Variants in APLF observed in about 807,000 individuals in gnomAD.
APLF encodes aprataxin and PNKP like factor, also known as aprataxin and PNK-like factor.
Under a neutral mutation model 55.6 loss-of-function variants are expected in APLF, and 61 were observed. The observed-to-expected ratio is 1.10, with a 90% CI of 0.89 to 1.36. The LOEUF (loss-of-function observed/expected upper bound fraction) is 1.36, where lower values mean the gene tolerates loss of function less well. APLF is among the 40% of genes most tolerant of loss of function. The pLI, the probability that APLF is intolerant of heterozygous loss-of-function variation, is 0.00. For synonymous variants in APLF, 207 were observed against 214.8 expected, an observed-to-expected ratio of 0.96 and a Z score of 0.32; for missense variants, 611 against 602.5, an observed-to-expected ratio of 1.01 and a Z score of -0.15.
At chr2:68,509,802 A>T (rs1558535928) in intron 3 of APLF, among the ~76,000 whole-genome samples, 1 of 152,026 alleles carries the variant, frequency 6.6e-6, no homozygotes, top group Non-Finnish European at 1.5e-5. Flanking sequence ...ACAATAGCAA[A>T]GACTTGGAAC....
intron 2 of APLF, among the ~76,000 whole-genome samples, chr2:68,499,432 A>G (rs1676653691): frequency 2.0e-5 from 3 of 152,196 alleles, no homozygotes; most frequent in Non-Finnish European, 1.5e-5. Flanking sequence ...AATATTCAGA[A>G]AAATCTTTAA....
At chr2:68,545,375 G>A in intron 8 of APLF, 63 bp downstream of exon 8, 1 of 1,523,972 alleles carries the variant, frequency 6.6e-7, no homozygotes, top group Non-Finnish European at 8.8e-7. Context: ...TTATCTAGGA[G>A]AAACTGACAG....
chr2:68,550,284 T>A (rs1339051690), intron 8 of APLF, among the ~76,000 whole-genome samples: 1 of 152,180 alleles, frequency 6.6e-6, no homozygotes, highest in Admixed American at 6.5e-5. Flanking sequence ...TAGGCTGGGG[T>A]GCAGTGGCGC....
At chr2:68,504,878 G>A (rs1676828377) in intron 3 of APLF, among the ~76,000 whole-genome samples, 2 of 152,018 alleles carry the variant, frequency 1.3e-5, no homozygotes, top group Admixed American at 6.6e-5. Context: ...TGTAATCAAT[G>A]GTTGTTTCCA....
At chr2:68,472,280 A>G (rs1675640435) in intron 1 of APLF, among the ~76,000 whole-genome samples, 1 of 152,162 alleles carries the variant, frequency 6.6e-6, no homozygotes, top group African/African-American at 2.4e-5. Context: ...GGGGAAAGGG[A>G]ATTCTCTATA....
intron 8 of APLF, 49 bp from the exon 9 acceptor site, chr2:68,567,292 A>C (rs776554366): frequency 6.5e-7 from 1 of 1,531,006 alleles, no homozygotes; most frequent in South Asian, 1.1e-5. Flanking sequence ...ATAGTCATCA[A>C]CTTTTAGTAA....
At chr2:68,544,666 T>G (rs1670650467) in intron 7 of APLF, among the ~76,000 whole-genome samples, 1 of 152,144 alleles carries the variant, frequency 6.6e-6, no homozygotes, top group Non-Finnish European at 1.5e-5. Context: ...TTTTTTTTAG[T>G]GTAAGAGTCT....
chr2:68,560,616 A>G (rs1671143029), intron 8 of APLF, among the ~76,000 whole-genome samples: 1 of 152,180 alleles, frequency 6.6e-6, no homozygotes, highest in Non-Finnish European at 1.5e-5. Context: ...AAAATACAGC[A>G]GCTCACAAAA....
chr2:68,512,932 A>T (rs972641426), intron 3 of APLF, 148 bp from the exon 4 acceptor site: 5 of 540,778 alleles, frequency 9.2e-6, no homozygotes, highest in Non-Finnish European at 1.6e-5. Context: ...TAAAGAACAT[A>T]TTCTAGTCTA....
intron 8 of APLF, among the ~76,000 whole-genome samples, chr2:68,547,675 C>G (rs147546556): frequency 6.6e-6 from 1 of 151,758 alleles, no homozygotes; most frequent in East Asian, 1.9e-4. Context: ...ACCCTTATAT[C>G]ACACCATAGT....
intron 1 of APLF, 107 bp downstream of exon 1, chr2:68,467,934 C>G (rs1675483647): frequency 2.3e-6 from 2 of 854,704 alleles, no homozygotes; most frequent in South Asian, 1.2e-4. Flanking sequence ...ACTGGTCCGC[C>G]GGTCCGGATT....
chr2:68,568,069 A>G (rs1346493514), intron 9 of APLF, among the ~76,000 whole-genome samples: 2 of 152,132 alleles, frequency 1.3e-5, no homozygotes, highest in East Asian at 3.9e-4. Flanking sequence ...AATAAAAGCT[A>G]GAGCTTTGAG....
chr2:68,496,222 C>T (rs576770375), intron 2 of APLF, among the ~76,000 whole-genome samples: 27 of 152,336 alleles, frequency 1.8e-4, no homozygotes, highest in African/African-American at 6.3e-4. Context: ...CTGCCTCAGC[C>T]TCCCAAGTAG....
chr2:68,481,696 T>C (rs1675962219), intron 1 of APLF, among the ~76,000 whole-genome samples: 1 of 152,194 alleles, frequency 6.6e-6, no homozygotes, highest in Admixed American at 6.5e-5. Context: ...AAATAGGTTT[T>C]CTATGCCTTT....
rs1469244223 is a variant in APLF at position 68,529,253 on chromosome 2, C to A, written c.804+3011C>A. On this transcript the variant is annotated intron_variant, in intron 6 of 9. Transcript: ENST00000303795. This position sits in a 1 kb window ranked among gnomAD's most constrained non-coding sequence, Gnocchi z 4.4. ...ACACAGCCTCATAAGGGTGCCGTCC[C>A]ACCTGCCTGGAAAAGAAGGCCCAAG... 2.3e-6 allele frequency: 3 copies of A among 1,291,932 alleles called. No homozygotes were observed. The highest frequency in any genetic ancestry group is 1.6e-5 in the South Asian group (1 of 61,118). The allele number at this position is 1,291,932 out of a possible 1,614,324, so 80.0% of individuals were successfully genotyped here.
Position 68,537,937 on chromosome 2 carries a change from T to C in APLF, c.870T>C (p.Asn290=). The change falls in exon 7 of 10, where the codon AAT becomes AAC. Residue 290 remains asparagine, a synonymous_variant. Coordinates refer to ENST00000303795, the MANE Select transcript of APLF (RefSeq NM_173545.3). Reference sequence around the variant, plus strand: ...CAGAGATGAATAATATTAAGACTAATGCACAGAGAAACAAACTTCCAATAG... The same window carrying C: ...CAGAGATGAATAATATTAAGACTAACGCACAGAGAAACAAACTTCCAATAG... The part of the protein sequence containing the change: ...SNTEMNNIKT[N]AQRNKLPIEE... 2 of 1,613,764 alleles carry C rather than the reference T, an allele frequency of 1.2e-6. No individual in the cohort carries two copies.
chr2:68,481,660 G>A (rs1054874568), intron 1 of APLF, among the ~76,000 whole-genome samples: 1 of 152,052 alleles, frequency 6.6e-6, no homozygotes, highest in Non-Finnish European at 1.5e-5. Context: ...CTCAAGGCTT[G>A]GGAGGTTTTC....
At chr2:68,543,340 A>G (rs1670610199) in intron 7 of APLF, among the ~76,000 whole-genome samples, 1 of 152,186 alleles carries the variant, frequency 6.6e-6, no homozygotes, top group Admixed American at 6.5e-5. Flanking sequence ...TTACGTATAT[A>G]TTCTTAGCAC....
chr2:68,526,304 T>C, intron 6 of APLF, 62 bp downstream of exon 6: 1 of 1,526,922 alleles, frequency 6.5e-7, no homozygotes, highest in Non-Finnish European at 8.9e-7. Flanking sequence ...TAGAAATTAA[T>C]CATATGCTAT....
Sources: gnomAD v4.1 joint callset for allele counts (sites outside exome capture counted in the v4.1 genomes callset) on GRCh38, gnomAD v4.1.1 for gene constraint, Gnocchi (gnomAD v3.1) non-coding constraint, MANE v1.5 for transcripts, NCBI Gene and HGNC (gene_info 2026-07-23, HGNC 2026-07-21) for gene names.